Variants in CSTF2T observed in about 807,000 individuals in gnomAD.
CSTF2T encodes the protein cleavage stimulation factor subunit 2 tau variant.
In CSTF2T, 18 loss-of-function variants were observed where a neutral mutation model predicts 39.9. That is an observed-to-expected ratio of 0.45 (90% confidence interval 0.31 to 0.67). The LOEUF is 0.67. Among genes scored for constraint, CSTF2T ranks in the 30% least tolerant of loss-of-function variants. The pLI is 0.06. For synonymous variants in CSTF2T, 291 were observed against 276.4 expected, an observed-to-expected ratio of 1.05 and a Z score of -0.52; for missense variants, 681 against 789.0, an observed-to-expected ratio of 0.86 and a Z score of 1.64.
At position 51,698,843 on chromosome 10, in the gene CSTF2T, G is replaced by A; in HGVS notation, c.707C>T (p.Ala236Val). 1 of 1,614,206 alleles carries A rather than the reference G, an allele frequency of 6.2e-7. No homozygotes were observed. The highest frequency in any genetic ancestry group is 8.5e-7 in the Non-Finnish European group (1 of 1,180,038). ...TCTAGCCAAATGCTGAGGCTGAGGA[G>A]CTGGAGGATTCTGCTGGTTCAGCAG... Reference protein sequence around the residue: ...NVLLNQQNPPAPQPQHLARRP... With the variant: ...NVLLNQQNPPVPQPQHLARRP... Residue 236 changes from alanine (A) to valine (V), a missense_variant, in exon 1 of 1, where the codon GCT becomes GTT. By Grantham distance (64) the Ala-to-Val change is moderately conservative (BLOSUM62 0). Coordinates refer to ENST00000331173, the MANE Select transcript of CSTF2T (RefSeq NM_015235.3).
At position 51,698,129 on chromosome 10, in the gene CSTF2T, C is replaced by G. The variant is rs770746990; in HGVS notation, c.1421G>C (p.Gly474Ala). 1 of 1,614,010 alleles carries G rather than the reference C, an allele frequency of 6.2e-7. No homozygotes were observed. The highest frequency in any genetic ancestry group is 1.3e-5 in the African/African-American group (1 of 74,898). ...VPSSRGPMTG[G>A]IQGPGPINIG... ...ATTAATGGGACCAGGACCCTGAATT[C>G]CACCAGTCATAGGGCCTCTTGAACT... is the stretch of plus-strand genomic sequence containing the variant. The change falls in exon 1 of 1, where the codon GGA becomes GCA. Residue 474 changes from glycine to alanine, a missense_variant. Transcript: ENST00000331173.
At position 51,697,677 on chromosome 10, in the gene CSTF2T, G is replaced by A; in HGVS notation, c.*22C>T. 1 of 1,610,984 alleles carries A rather than the reference G, an allele frequency of 6.2e-7. No individual in the cohort carries two copies. ...CTACAGAATAAAATTTGAGACTACA[G>A]CCAAATATTTTCTAAAACCTTTCAA... On this transcript the variant is annotated 3_prime_UTR_variant, in exon 1 of 1. Transcript: ENST00000331173.
rs1376422534 is a variant in CSTF2T at position 51,696,942 on chromosome 10, T to C, written c.*757A>G. Reference sequence around the variant, plus strand: ...ATAGGAAGGTATTGAGAGACTGGGTTTCATCAGAGCGGACTTAAGTAACCT... The same window carrying C: ...ATAGGAAGGTATTGAGAGACTGGGTCTCATCAGAGCGGACTTAAGTAACCT... On this transcript the variant is annotated 3_prime_UTR_variant, in exon 1 of 1. Transcript: ENST00000331173. The C allele has an allele frequency of 6.6e-6, 1 of 152,064 alleles. No individual in the cohort carries two copies. Among genetic ancestry groups the C allele is most frequent in the Non-Finnish European group, 1.5e-5 (1 of 68,016 alleles). 9.4% of individuals were successfully genotyped at this position (152,064 alleles called of 1,614,324 possible).
chr10:51,697,693 A>T lies in CSTF2T; in HGVS notation c.*6T>A, dbSNP rs1841336001. 1 of 1,613,374 alleles carries T rather than the reference A, an allele frequency of 6.2e-7. No homozygotes were observed. Among genetic ancestry groups the T allele is most frequent in the Non-Finnish European group, 8.5e-7 (1 of 1,179,778 alleles). On this transcript the variant is annotated 3_prime_UTR_variant, in exon 1 of 1. Transcript: ENST00000331173. Reference sequence around the variant, plus strand: ...GAGACTACAGCCAAATATTTTCTAAAACCTTTCAAGACGCTCCAGTGGATT... The same window carrying T: ...GAGACTACAGCCAAATATTTTCTAATACCTTTCAAGACGCTCCAGTGGATT...
In CSTF2T at chr10:51,697,679, C is replaced by T. The variant is rs759639363; in HGVS notation, c.*20G>A. The stretch of plus-strand genomic sequence containing the variant: ...ACAGAATAAAATTTGAGACTACAGC[C>T]AAATATTTTCTAAAACCTTTCAAGA... On this transcript the variant is annotated 3_prime_UTR_variant, in exon 1 of 1. Transcript: ENST00000331173. 4 of 1,611,556 alleles carry T rather than the reference C, an allele frequency of 2.5e-6. No homozygotes were observed. In the South Asian group the frequency reaches 4.4e-5, roughly 18 times the overall value.
At position 51,698,678 on chromosome 10, in the gene CSTF2T, C is replaced by T. The variant is rs765244195; in HGVS notation, c.872G>A (p.Gly291Glu). The change falls in exon 1 of 1, where the codon GGA becomes GAA. Residue 291 changes from glycine (G) to glutamate (E), a missense_variant. Gly to Glu is a moderately conservative substitution (Grantham distance 98). Around this residue, in one of 4 missense-constraint regions of CSTF2T, gnomAD observed 329 missense variants for 344.1 expected, o/e 0.96. Coordinates refer to ENST00000331173, the MANE Select transcript of CSTF2T (RefSeq NM_015235.3). ...TPGGAMQPQL[G>E]MPGVGPVPLE... ...AGGCACTGGGCCAACCCCTGGCATTCCAAGTTGGGGCTGCATTGCTCCTCC... is the reference window on the plus strand; with the variant it reads ...AGGCACTGGGCCAACCCCTGGCATTTCAAGTTGGGGCTGCATTGCTCCTCC... 3.7e-6 allele frequency: 6 copies of T among 1,614,064 alleles called. No individual in the cohort carries two copies. The highest frequency in any genetic ancestry group is 1.1e-5 in the South Asian group (1 of 91,086).
chr10:51,698,019 T>C lies in CSTF2T; in HGVS notation c.1531A>G (p.Thr511Ala), dbSNP rs1227556605. The change falls in exon 1 of 1, where the codon ACA (threonine) becomes GCA (alanine). Residue 511 changes from threonine to alanine, a missense_variant. By Grantham distance (58) the Thr-to-Ala change is moderately conservative. Coordinates refer to ENST00000331173, the MANE Select transcript of CSTF2T (RefSeq NM_015235.3). ...TGCATGCCTGTTCCTTGTATGCCTGTACCCTGCATACCAGCTCCAGGATTC... is the reference window on the plus strand; with the variant it reads ...TGCATGCCTGTTCCTTGTATGCCTGCACCCTGCATACCAGCTCCAGGATTC... ...VGNPGAGMQG[T>A]GIQGTGMQGA... is the part of the protein sequence containing the mutation. 6.2e-7 allele frequency: 1 copy of C among 1,613,874 alleles called. No homozygotes were observed. The highest frequency in any genetic ancestry group is 8.5e-7 in the Non-Finnish European group (1 of 1,179,900).
chr10:51,698,648 T>C lies in CSTF2T; in HGVS notation c.902A>G (p.Glu301Gly). ...GMPGVGPVPL[E>G]RGQVQMSDPR... ...ATCTGACATCTGCACTTGTCCCCGCTCTAAAGGCACTGGGCCAACCCCTGG... is the reference window on the plus strand; with the variant it reads ...ATCTGACATCTGCACTTGTCCCCGCCCTAAAGGCACTGGGCCAACCCCTGG... Residue 301 changes from glutamate to glycine, a missense_variant, in exon 1 of 1, where the codon GAG becomes GGG. Physicochemically the swap from Glu to Gly is moderately conservative, Grantham distance 98 (BLOSUM62 -2). Coordinates refer to ENST00000331173, the MANE Select transcript of CSTF2T (RefSeq NM_015235.3). The C allele has an allele frequency of 1.2e-6, 2 of 1,614,112 alleles. No individual in the cohort carries two copies. Among genetic ancestry groups the C allele is most frequent in the Non-Finnish European group, 1.7e-6 (2 of 1,180,018 alleles).
Position 51,698,496 on chromosome 10 carries a change from T to C in CSTF2T, c.1054A>G (p.Arg352Gly), listed in dbSNP as rs757426073. The C allele has an allele frequency of 6.2e-7, 1 of 1,614,124 alleles. No homozygotes were observed. Among genetic ancestry groups the C allele is most frequent in the Non-Finnish European group, 8.5e-7 (1 of 1,180,016 alleles). Residue 352 changes from arginine to glycine, a missense_variant, in exon 1 of 1, where the codon AGA becomes GGA. Transcript: ENST00000331173. ...TGATGGGGTGGACCCAGATAACCTC[T>C]GGGCTCCACTTCTCCAGTGACTGAA... is the stretch of plus-strand genomic sequence containing the variant. ...LLSVTGEVEPRGYLGPPHQGP... is the reference protein window; with the variant it reads ...LLSVTGEVEPGGYLGPPHQGP...
At position 51,699,554 on chromosome 10, in the gene CSTF2T, C is replaced by T. The variant is rs780056509; in HGVS notation, c.-5G>A. 3.1e-6 allele frequency: 5 copies of T among 1,605,322 alleles called. No individual in the cohort carries two copies. Among genetic ancestry groups the T allele is most frequent in the Non-Finnish European group, 3.4e-6 (4 of 1,175,532 alleles). ...TCTCACCGCCAAACTCGACATGATTCCGGTTGTGCAGACAGCCGATAGCGG... is the reference window on the plus strand; with the variant it reads ...TCTCACCGCCAAACTCGACATGATTTCGGTTGTGCAGACAGCCGATAGCGG... On this transcript the variant is annotated 5_prime_UTR_variant, in exon 1 of 1. Transcript: ENST00000331173.
rs1157918569 is a variant in CSTF2T at position 51,699,045 on chromosome 10, C to T, written c.505G>A (p.Ala169Thr). 6.2e-7 allele frequency: 1 copy of T among 1,614,230 alleles called. No homozygotes were observed. Among genetic ancestry groups the T allele is most frequent in the East Asian group, 2.2e-5 (1 of 44,882 alleles). Residue 169 changes from alanine to threonine, a missense_variant, in exon 1 of 1, where the codon GCT (alanine) becomes ACT (threonine). Around this residue, in one of 4 missense-constraint regions of CSTF2T, gnomAD observed 329 missense variants for 344.1 expected, o/e 0.96. Coordinates refer to ENST00000331173, the MANE Select transcript of CSTF2T (RefSeq NM_015235.3). The stretch of plus-strand genomic sequence containing the variant: ...ACTTGTGCCTGCAACAGTGCATAAG[C>T]CAGTTGTGGATTTTGAAGTAACATG... ...RNMLLQNPQL[A>T]YALLQAQVVM...
rs1310682047 is a variant in CSTF2T, at chr10:51,695,891, T to C, written c.*1808A>G. 2 of 152,234 alleles carry C rather than the reference T, an allele frequency of 1.3e-5. No homozygotes were observed. Among genetic ancestry groups the C allele is most frequent in the African/African-American group, 4.8e-5 (2 of 41,476 alleles). The allele number at this position is 152,234 out of a possible 1,614,324, so 9.4% of individuals were successfully genotyped here. ...ACATTTTTTCATCTGTAACTAGATA[T>C]TGGTTTTTCTTCTCCATAGTAAGAT... On this transcript the variant is annotated 3_prime_UTR_variant, in exon 1 of 1. Transcript: ENST00000331173.
Position 51,698,033 on chromosome 10 carries a change from G to A in CSTF2T, c.1517C>T (p.Ala506Val). The change falls in exon 1 of 1, where the codon GCT becomes GTT. Residue 506 changes from alanine (A) to valine (V), a missense_variant. Transcript: ENST00000331173. The part of the protein sequence containing the change: ...PGISGVGNPG[A>V]GMQGTGIQGT... ...TTGTATGCCTGTACCCTGCATACCA[G>A]CTCCAGGATTCCCCACCCCTGAAAT... 6.2e-7 allele frequency: 1 copy of A among 1,613,978 alleles called. No individual in the cohort carries two copies. The highest frequency in any genetic ancestry group is 8.5e-7 in the Non-Finnish European group (1 of 1,180,000).
Position 51,699,174 on chromosome 10 carries a change from C to T in CSTF2T, c.376G>A (p.Glu126Lys). ...CTGGCTACTGCTCTGGTAATCGATT[C>T]AGGGGCATCTTCTGGATCGATGGGA... The part of the protein sequence containing the change: ...GDPIDPEDAP[E>K]SITRAVASLP... The change falls in exon 1 of 1, where the codon GAA becomes AAA. Residue 126 changes from glutamate to lysine, a missense_variant. This residue lies in a region of CSTF2T where 329 missense variants were observed against 344.1 expected (regional missense o/e 0.96). Coordinates refer to ENST00000331173, the MANE Select transcript of CSTF2T (RefSeq NM_015235.3). 14 of 1,614,168 alleles carry T rather than the reference C, an allele frequency of 8.7e-6. No individual in the cohort carries two copies. Among genetic ancestry groups the T allele is most frequent in the Non-Finnish European group, 1.2e-5 (14 of 1,180,032 alleles).
In CSTF2T at chr10:51,698,613, G is replaced by A; in HGVS notation, c.937C>T (p.Pro313Ser). The A allele has an allele frequency of 6.2e-7, 1 of 1,613,922 alleles. No homozygotes were observed. Among genetic ancestry groups the A allele is most frequent in the East Asian group, 2.2e-5 (1 of 44,868 alleles). Residue 313 changes from proline to serine, a missense_variant, in exon 1 of 1, where the codon CCT (proline) becomes TCT (serine). Physicochemically the swap from Pro to Ser is moderately conservative, Grantham distance 74 (BLOSUM62 -1). This residue lies in a region of CSTF2T where 329 missense variants were observed against 344.1 expected (regional missense o/e 0.96). Coordinates refer to ENST00000331173, the MANE Select transcript of CSTF2T (RefSeq NM_015235.3). ...GGAGTCACGGGTCCGCGAGGTATAGGAGCTCTAGGATCTGACATCTGCACT... is the reference window on the plus strand; with the variant it reads ...GGAGTCACGGGTCCGCGAGGTATAGAAGCTCTAGGATCTGACATCTGCACT... ...GQVQMSDPRA[P>S]IPRGPVTPGG...
chr10:51,697,972 T>G lies in CSTF2T; in HGVS notation c.1578A>C (p.Gly526=). 2 of 1,604,354 alleles carry G rather than the reference T, an allele frequency of 1.2e-6. No homozygotes were observed. The highest frequency in any genetic ancestry group is 1.3e-5 in the African/African-American group (1 of 74,658). ...CTTGTATGCCTGCCCCCTGCATCCC[T>G]CCTCCTTGTATGCCTGCTCCCTGCA... ...TGMQGAGIQG[G]GMQGAGIQGV... The change falls in exon 1 of 1, where the codon GGA becomes GGC. Residue 526 remains glycine (G), a synonymous_variant. Transcript: ENST00000331173.
Position 51,699,329 on chromosome 10 carries a change from A to G in CSTF2T, c.221T>C (p.Met74Thr). 1.2e-6 allele frequency: 2 copies of G among 1,614,126 alleles called. No homozygotes were observed. The highest frequency in any genetic ancestry group is 1.7e-6 in the Non-Finnish European group (2 of 1,180,020). ...YQDQETALSA[M>T]RNLNGREFSG... ...GAACTCCCGCCCATTGAGGTTCCGC[A>G]TGGCACTAAGCGCGGTCTCCTGGTC... The change falls in exon 1 of 1, where the codon ATG becomes ACG. Residue 74 changes from methionine (M) to threonine (T), a missense_variant. Around this residue, in one of 4 missense-constraint regions of CSTF2T, gnomAD observed 65 missense variants for 134.2 expected, o/e 0.48. Transcript: ENST00000331173.
chr10:51,696,910 T>C lies in CSTF2T; in HGVS notation c.*789A>G, dbSNP rs1305411919. 3 of 152,096 alleles carry C rather than the reference T, an allele frequency of 2.0e-5. No individual in the cohort carries two copies. Among genetic ancestry groups the C allele is most frequent in the Admixed American group, 6.6e-5 (1 of 15,258 alleles). 9.4% of individuals were successfully genotyped at this position (152,096 alleles called of 1,614,324 possible). On this transcript the variant is annotated 3_prime_UTR_variant, in exon 1 of 1. Transcript: ENST00000331173. ...ACTCAGATTTAGGGCTTAAAGACTATTGAGAAATAGGAAGGTATTGAGAGA... is the reference window on the plus strand; with the variant it reads ...ACTCAGATTTAGGGCTTAAAGACTACTGAGAAATAGGAAGGTATTGAGAGA...
In CSTF2T at chr10:51,699,394, C is replaced by T; in HGVS notation, c.156G>A (p.Glu52=). ...AGCCATAGCCCTTGGGTTTTCCCGT[C>T]TCTCTATCGTATACCAGCCGGAAAC... ...VVSFRLVYDR[E]TGKPKGYGFC... Residue 52 remains glutamate, a synonymous_variant, in exon 1 of 1, where the codon GAG becomes GAA. Transcript: ENST00000331173. 6.2e-7 allele frequency: 1 copy of T among 1,614,120 alleles called. No individual in the cohort carries two copies. Among genetic ancestry groups the T allele is most frequent in the Non-Finnish European group, 8.5e-7 (1 of 1,180,038 alleles).
Sources: gnomAD v4.1 joint callset for allele counts on GRCh38, gnomAD v4.1.1 for gene constraint, gnomAD v4.1.1 regional missense constraint, MANE v1.5 for transcripts, NCBI Gene and HGNC (gene_info 2026-07-23, HGNC 2026-07-21) for gene names.